Variants in MYCBP2 observed in about 807,000 individuals in gnomAD.
MYCBP2 encodes E3 ubiquitin-protein ligase MYCBP2.
A neutral mutation model predicts 525.3 loss-of-function variants in MYCBP2; 120 were observed. The observed-to-expected ratio is 0.23, with a 90% confidence interval of 0.20 to 0.27. The LOEUF is 0.27. Among genes scored for constraint, MYCBP2 ranks in the 10% least tolerant of loss-of-function variants. The probability of loss-of-function intolerance (pLI) is 1.00; values close to 1 mark genes in which losing one functional copy is unlikely to be tolerated. For synonymous variants in MYCBP2, 1,894 were observed against 1,955.8 expected (o/e 0.97, Z 0.83); for missense variants, 4,149 against 5,657.1 (o/e 0.73, Z 8.55).
intron 1 of MYCBP2, among the ~76,000 whole-genome samples, chr13:77,312,295 T>C (rs913285451): frequency 4.6e-5 from 7 of 152,188 alleles, no homozygotes; most frequent in South Asian, 2.1e-4. Context: ...GAAAGAGCAA[T>C]AGAAACAATA....
intron 18 of MYCBP2, among the ~76,000 whole-genome samples, chr13:77,230,177 G>A (rs912684976): frequency 6.6e-6 from 1 of 152,120 alleles, no homozygotes. Flanking sequence ...TCACCCAGAA[G>A]TTCTCCAACT....
At chr13:77,112,731 G>A (rs566072342) in intron 55 of MYCBP2, among the ~76,000 whole-genome samples, 14 of 152,164 alleles carry the variant, frequency 9.2e-5, no homozygotes, top group African/African-American at 2.6e-4. Context: ...GAGCCACTAC[G>A]CCTGGTCTGC....
intron 1 of MYCBP2, among the ~76,000 whole-genome samples, chr13:77,321,870 C>A (rs2081680128): frequency 6.6e-6 from 1 of 152,124 alleles, no homozygotes; most frequent in African/African-American, 2.4e-5. Flanking sequence ...AAGTAATAAT[C>A]CCTGAGCAAG....
At chr13:77,079,801 T>C (rs2042982277) in intron 65 of MYCBP2, among the ~76,000 whole-genome samples, 1 of 152,228 alleles carries the variant, frequency 6.6e-6, no homozygotes, top group African/African-American at 2.4e-5. Context: ...TTAAGTGTCA[T>C]ATCTGTGTTC....
intron 39 of MYCBP2, 68 bp downstream of exon 39, chr13:77,169,546 A>C: frequency 7.2e-7 from 1 of 1,380,758 alleles, no homozygotes; most frequent in Non-Finnish European, 1.0e-6. Flanking sequence ...TAAAGACAAG[A>C]CACAAAGTCT....
intron 36 of MYCBP2, among the ~76,000 whole-genome samples, chr13:77,176,017 CA>C (rs1362839652): frequency 1.8e-5 from 2 of 110,446 alleles, no homozygotes; most frequent in African/African-American, 2.8e-5. Context: ...AAAACAAAAA[CA>C]CTTTTTTTTT....
chr13:77,205,494 T>C lies in MYCBP2; in HGVS notation c.3694A>G (p.Ser1232Gly), dbSNP rs1312877551. ...VMKVYSKEDY[S>G]VVNRFESHGG... ...ATACTTTCAAACCTGTTTACCACAC[T>C]ATAATCTTCTTTAGAATAAACCTTC... The change falls in exon 25 of 83, where the codon AGT becomes GGT. Residue 1232 changes from serine to glycine, a missense_variant. Physicochemically the swap from Ser to Gly is moderately conservative, Grantham distance 56 (BLOSUM62 0). Around this residue, in one of 21 missense-constraint regions of MYCBP2, gnomAD observed 620 missense variants for 795.5 expected, o/e 0.78. Coordinates refer to ENST00000544440, the MANE Select transcript of MYCBP2 (RefSeq NM_015057.5). 2 of 1,613,350 alleles carry C rather than the reference T, an allele frequency of 1.2e-6. No individual in the cohort carries two copies. Among genetic ancestry groups the C allele is most frequent in the Non-Finnish European group, 1.7e-6 (2 of 1,179,742 alleles).
At chr13:77,195,720 T>C (rs1231746041) in intron 26 of MYCBP2, among the ~76,000 whole-genome samples, 1 of 152,230 alleles carries the variant, frequency 6.6e-6, no homozygotes. Flanking sequence ...TTTCAACAAC[T>C]AATTAGTCTT....
At chr13:77,203,660 A>G (rs889201625) in intron 26 of MYCBP2, among the ~76,000 whole-genome samples, 5 of 152,266 alleles carry the variant, frequency 3.3e-5, no homozygotes, top group Non-Finnish European at 7.3e-5. Flanking sequence ...ACAAGGCTAC[A>G]GTAACCAAAA....
chr13:77,199,099 C>A (rs188032583), intron 26 of MYCBP2, among the ~76,000 whole-genome samples: 1 of 152,234 alleles, frequency 6.6e-6, no homozygotes, highest in Admixed American at 6.5e-5. Context: ...ACACAGAAGA[C>A]GGGTGATTTC....
rs2038893154 is a variant in MYCBP2, at chr13:77,059,572, C to G, written c.13091G>C (p.Gly4364Ala). The change falls in exon 77 of 83, where the codon GGA becomes GCA. Residue 4364 changes from glycine to alanine, a missense_variant. By Grantham distance (60) the Gly-to-Ala change is moderately conservative. Coordinates refer to ENST00000544440, the MANE Select transcript of MYCBP2 (RefSeq NM_015057.5). ...ACTGCCAACAGCAGATAACTCTGTT[C>G]CACTCCTGGAACCACAGAAGCGACA... ...EACRFCGSRS[G>A]TELSAVGSVC... 1 of 1,614,010 alleles carries G rather than the reference C, an allele frequency of 6.2e-7. No homozygotes were observed. The highest frequency in any genetic ancestry group is 1.7e-5 in the Admixed American group (1 of 60,002).
At chr13:77,206,419 G>T (rs2063344984) in intron 24 of MYCBP2, among the ~76,000 whole-genome samples, 1 of 151,480 alleles carries the variant, frequency 6.6e-6, no homozygotes, top group Admixed American at 6.6e-5. Flanking sequence ...ATTTTTAAGG[G>T]TCTACCTCTG....
intron 79 of MYCBP2, among the ~76,000 whole-genome samples, chr13:77,056,156 G>GTA (rs1174994262): frequency 7.3e-6 from 1 of 137,416 alleles, no homozygotes; most frequent in African/African-American, 2.7e-5. Flanking sequence ...GTGTGTGTGT[G>GTA]TGTTTTGCTT....
chr13:77,048,881 T>G (rs757246218), intron 82 of MYCBP2, among the ~76,000 whole-genome samples: 2 of 152,152 alleles, frequency 1.3e-5, no homozygotes, highest in Non-Finnish European at 2.9e-5. Flanking sequence ...CATTGTTAAC[T>G]TCCTTATTTT....
At position 77,326,893 on chromosome 13, in the gene MYCBP2, G is replaced by A. The variant is rs2082386621; in HGVS notation, c.-118C>T. On this transcript the variant is annotated 5_prime_UTR_variant, in exon 1 of 83. Coordinates refer to ENST00000544440, the MANE Select transcript of MYCBP2 (RefSeq NM_015057.5). The surrounding 1 kb of genome is among the most constrained non-coding windows in gnomAD (Gnocchi z 4.2). ...GCTCCGGCGGCGGCCTCTGGCTCCCGCAGCAGGGAGACTACAAAGACAGCG... is the reference window on the plus strand; with the variant it reads ...GCTCCGGCGGCGGCCTCTGGCTCCCACAGCAGGGAGACTACAAAGACAGCG... The A allele has an allele frequency of 3.2e-6, 3 of 948,630 alleles. No individual in the cohort carries two copies. The highest frequency in any genetic ancestry group is 4.3e-6 in the Non-Finnish European group (3 of 701,836). The allele number at this position is 948,630 out of a possible 1,614,324, so 58.8% of individuals were successfully genotyped here. A position where few individuals can be genotyped will look rare whatever the true frequency, so the allele number is the denominator to read the frequency against.
At position 77,221,151 on chromosome 13, in the gene MYCBP2, A is replaced by T. The variant is rs576219179; in HGVS notation, c.2940-3194T>A. 2.2e-5 allele frequency among the ~76,000 whole-genome samples: 3 copies of T among 135,622 alleles called. No homozygotes were observed. The East Asian group carries it at 6.6e-4, about 30-fold the overall frequency. 89.0% of individuals were successfully genotyped at this position (135,622 alleles called of 152,430 possible). On this transcript the variant is annotated intron_variant, in intron 20 of 82. Transcript: ENST00000544440. ...CACTGTGTAGATCCTACCAATGTTTAATCTTCATAAGAAACCCTGATATTT... is the reference window on the plus strand; with the variant it reads ...CACTGTGTAGATCCTACCAATGTTTTATCTTCATAAGAAACCCTGATATTT...
At chr13:77,176,677 A>G (rs1209843635) in intron 35 of MYCBP2, 49 bp from the exon 36 acceptor site, 4 of 1,352,030 alleles carry the variant, frequency 3.0e-6, no homozygotes, top group Non-Finnish European at 3.9e-6. Flanking sequence ...TCTTAATTTT[A>G]TTGTATGAAC....
intron 80 of MYCBP2, among the ~76,000 whole-genome samples, chr13:77,055,158 A>G (rs2037682106): frequency 6.6e-6 from 1 of 151,080 alleles, no homozygotes; most frequent in Non-Finnish European, 1.5e-5. Context: ...AGAAGTAGTT[A>G]AAGATAAATG....
At chr13:77,159,660 T>TCG (rs1491063096) in intron 44 of MYCBP2, among the ~76,000 whole-genome samples, 1 of 152,114 alleles carries the variant, frequency 6.6e-6, no homozygotes, top group Non-Finnish European at 1.5e-5. Context: ...CCTTTCCCCT[T>TCG]CTCTCTCTCC....
Sources: gnomAD v4.1 joint callset for allele counts (sites outside exome capture counted in the v4.1 genomes callset) on GRCh38, gnomAD v4.1.1 for gene constraint, gnomAD v4.1.1 regional missense constraint, Gnocchi (gnomAD v3.1) non-coding constraint, MANE v1.5 for transcripts, NCBI Gene and HGNC (gene_info 2026-07-23, HGNC 2026-07-21) for gene names.